Variants in ABHD2 observed in about 807,000 individuals in gnomAD.
ABHD2 encodes abhydrolase domain containing 2, acylglycerol lipase, also known as monoacylglycerol lipase ABHD2.
ABHD2 carries 20 observed loss-of-function variants against 48.1 expected under a neutral mutation model. That is an observed-to-expected ratio of 0.42 (90% confidence interval 0.29 to 0.60). The LOEUF is 0.60. Among genes scored for constraint, ABHD2 ranks in the 20% least tolerant of loss-of-function variants. The pLI is 0.24. For synonymous variants in ABHD2, 209 were observed against 214.2 expected (o/e 0.98, Z 0.21); for missense variants, 405 against 550.9 (o/e 0.74, Z 2.65).
At chr15:89,193,916 G>GAT (rs2051348475) in intron 10 of ABHD2, among the ~76,000 whole-genome samples, 1 of 86,074 alleles carries the variant, frequency 1.2e-5, no homozygotes, top group Non-Finnish European at 2.2e-5. Flanking sequence ...GTGAGACTCC[G>GAT]TCTCAAAAAA....
chr15:89,116,338 T>C lies in ABHD2; in HGVS notation c.11T>C (p.Met4Thr). The C allele has an allele frequency of 6.2e-7, 1 of 1,613,872 alleles. No homozygotes were observed. Among genetic ancestry groups the C allele is most frequent in the Non-Finnish European group, 8.5e-7 (1 of 1,179,812 alleles). ...GCTCCCCAGATCAAGATGAATGCCA[T>C]GCTGGAGACTCCCGAACTCCCAGCC... Reference protein sequence around the residue: MNAMLETPELPAVF... With the variant: MNATLETPELPAVF... Residue 4 changes from methionine to threonine, a missense_variant, in exon 3 of 11, where the codon ATG (methionine) becomes ACG (threonine). Met to Thr is a moderately conservative substitution (Grantham distance 81, BLOSUM62 -1). Transcript: ENST00000352732. This position sits in a 1 kb window ranked among gnomAD's most constrained non-coding sequence, Gnocchi z 4.6.
the ABHD2 span, among the ~76,000 whole-genome samples, chr15:89,058,582 G>A: frequency 6.6e-6 from 1 of 152,064 alleles, no homozygotes; most frequent in Non-Finnish European, 1.5e-5. Flanking sequence ...CTGGGCCCAG[G>A]GGATGGGGAC....
Position 89,166,984 on chromosome 15 carries a change from G to A in ABHD2, c.539-8828G>A, listed in dbSNP as rs1032625595. Among the ~76,000 whole-genome samples the A allele has an allele frequency of 2.6e-5, 4 of 152,112 alleles. No homozygotes were observed. Among genetic ancestry groups the A allele is most frequent in the Admixed American group, 6.5e-5 (1 of 15,294 alleles). On this transcript the variant is annotated intron_variant, in intron 5 of 10. Transcript: ENST00000352732. This position sits in a 1 kb window ranked among gnomAD's most constrained non-coding sequence, Gnocchi z 4.6. Reference sequence around the variant, plus strand: ...AGTAAAAAGGGACTTTATTAATAACGTTATAATAATTCATAACTTTATTAA... The same window carrying A: ...AGTAAAAAGGGACTTTATTAATAACATTATAATAATTCATAACTTTATTAA...
In ABHD2 at chr15:89,185,486, A is replaced by G. The variant is rs779994462; in HGVS notation, c.785A>G (p.Asp262Gly). The change falls in exon 7 of 11, where the codon GAC (aspartate) becomes GGC (glycine). Residue 262 changes from aspartate to glycine, a missense_variant. Transcript: ENST00000352732. The surrounding 1 kb of genome is among the most constrained non-coding windows in gnomAD (Gnocchi z 5.9). ...CGGTTCTACAACTTCCTCATGGCTGACAACATGAAGAAGATCATCCTCTCG... is the reference window on the plus strand; with the variant it reads ...CGGTTCTACAACTTCCTCATGGCTGGCAACATGAAGAAGATCATCCTCTCG... ...CRRFYNFLMADNMKKIILSHR... is the reference protein window; with the variant it reads ...CRRFYNFLMAGNMKKIILSHR... 6.2e-7 allele frequency: 1 copy of G among 1,614,100 alleles called. No homozygotes were observed. The highest frequency in any genetic ancestry group is 1.1e-5 in the South Asian group (1 of 91,072).
At chr15:89,071,572 C>T in the ABHD2 span, among the ~76,000 whole-genome samples, 2 of 152,182 alleles carry the variant, frequency 1.3e-5, no homozygotes, top group Non-Finnish European at 2.9e-5. Context: ...CCTTAACAAC[C>T]TTCACCTGGT....
At chr15:89,098,740 G>A (rs1388987940) in intron 1 of ABHD2, among the ~76,000 whole-genome samples, 1 of 152,124 alleles carries the variant, frequency 6.6e-6, no homozygotes, top group African/African-American at 2.4e-5. Flanking sequence ...AGAAAACATA[G>A]TTCCTTTCCC....
At chr15:89,161,178 C>T (rs1225554281) in intron 5 of ABHD2, among the ~76,000 whole-genome samples, 1 of 152,088 alleles carries the variant, frequency 6.6e-6, no homozygotes, top group Non-Finnish European at 1.5e-5. Flanking sequence ...TTCAGAGCCA[C>T]AGATACAGGT....
Position 89,202,131 on chromosome 15 carries a change from T to C in ABHD2, c.*6708T>C, listed in dbSNP as rs1190205404. On this transcript the variant is annotated 3_prime_UTR_variant, in exon 11 of 11. Coordinates refer to ENST00000352732, the MANE Select transcript of ABHD2 (RefSeq NM_152924.5). ...CAGGATCCTTCAGCACTGAGGTGTT[T>C]AAGATTTGCAACTAGCAATGCAATT... 1.1e-5 allele frequency: 2 copies of C among 182,000 alleles called. No individual in the cohort carries two copies. The highest frequency in any genetic ancestry group is 2.3e-5 in the Non-Finnish European group (2 of 87,798). The allele number at this position is 182,000 out of a possible 1,614,324, so 11.3% of individuals were successfully genotyped here. A position where few individuals can be genotyped will look rare whatever the true frequency, so the allele number is the denominator to read the frequency against.
At chr15:89,107,503 T>A (rs1050504886) in intron 1 of ABHD2, among the ~76,000 whole-genome samples, 1 of 152,058 alleles carries the variant, frequency 6.6e-6, no homozygotes, top group Non-Finnish European at 1.5e-5. Context: ...TGGAGGAAAG[T>A]TTAATAGTGG....
the ABHD2 span, among the ~76,000 whole-genome samples, chr15:89,075,063 G>A: frequency 9.0e-3 from 1,362 of 152,176 alleles, 22 homozygotes; most frequent in African/African-American, 0.03. This position sits in a 1 kb window ranked among gnomAD's most constrained non-coding sequence, Gnocchi z 4.1. Context: ...GCCTTTTCTC[G>A]GTAATTCTTC....
intron 3 of ABHD2, among the ~76,000 whole-genome samples, chr15:89,133,483 T>C (rs1035327026): frequency 6.6e-5 from 10 of 152,234 alleles, no homozygotes; most frequent in African/African-American, 2.4e-4. Context: ...ACACCAGCAC[T>C]GTGAGCACAT....
the ABHD2 span, among the ~76,000 whole-genome samples, chr15:89,048,906 T>TCTTTCTCCGTC: frequency 9.8e-6 from 1 of 101,690 alleles, no homozygotes; most frequent in African/African-American, 4.5e-5. Context: ...CTCGTCAAAG[T>TCTTTCTCCGTC]CATTTGTTCC....
chr15:89,183,937 C>G (rs2051163059), intron 6 of ABHD2, among the ~76,000 whole-genome samples: 1 of 152,106 alleles, frequency 6.6e-6, no homozygotes, highest in East Asian at 1.9e-4. Context: ...GATTGGGTGA[C>G]CCCCTTCCCT....
rs1346030744 is a variant in ABHD2 at position 89,168,262 on chromosome 15, G to T, written c.539-7550G>T. On this transcript the variant is annotated intron_variant, in intron 5 of 10. Coordinates refer to ENST00000352732, the MANE Select transcript of ABHD2 (RefSeq NM_152924.5). This position sits in a 1 kb window ranked among gnomAD's most constrained non-coding sequence, Gnocchi z 4.8. ...CAAAATGGCCGTGCAATACTCATCT[G>T]TCTAAGGCCCAGCTAGTGTTTCAGA... 6.6e-6 allele frequency among the ~76,000 whole-genome samples: 1 copy of T among 152,168 alleles called. No individual in the cohort carries two copies. The highest frequency in any genetic ancestry group is 2.4e-5 in the African/African-American group (1 of 41,438).
At chr15:89,042,773 A>G in the ABHD2 span, among the ~76,000 whole-genome samples, 2 of 151,588 alleles carry the variant, frequency 1.3e-5, no homozygotes, top group African/African-American at 4.8e-5. Context: ...CAGCCTCCCA[A>G]GTAGCTGGGA....
rs2049632706 is a variant in ABHD2, at chr15:89,097,579, C to A, written c.-107+9016C>A. Among the ~76,000 whole-genome samples, 1 of 151,638 alleles carries A rather than the reference C, an allele frequency of 6.6e-6. No homozygotes were observed. Among genetic ancestry groups the A allele is most frequent in the Non-Finnish European group, 1.5e-5 (1 of 67,910 alleles). ...CTTTTCTTTTCTTTTTTCTTCTTTT[C>A]CCTGTAATTTGTTGGAGAAACTGGG... is the stretch of plus-strand genomic sequence containing the variant. On this transcript the variant is annotated intron_variant, in intron 1 of 10. Coordinates refer to ENST00000352732, the MANE Select transcript of ABHD2 (RefSeq NM_152924.5). This position sits in a 1 kb window ranked among gnomAD's most constrained non-coding sequence, Gnocchi z 4.2.
chr15:89,162,690 C>T lies in ABHD2; in HGVS notation c.538+7156C>T, dbSNP rs141887824. Among the ~76,000 whole-genome samples, 472 of 152,270 alleles carry T rather than the reference C, an allele frequency of 3.1e-3. 2 individuals carry two copies. Among genetic ancestry groups the T allele is most frequent in the African/African-American group, 0.011 (447 of 41,550 alleles). ...CTTGACTCCTCTCCCTCATCTAAAG[C>T]TCCCCCCCAACCCCAGTCATTATCT... is the stretch of plus-strand genomic sequence containing the variant. On this transcript the variant is annotated intron_variant, in intron 5 of 10. Transcript: ENST00000352732.
chr15:89,099,755 T>A (rs1369360443), intron 1 of ABHD2, among the ~76,000 whole-genome samples: 2 of 151,680 alleles, frequency 1.3e-5, no homozygotes, highest in Non-Finnish European at 1.5e-5. Flanking sequence ...AATATAAAAC[T>A]AAGCTGGGCA....
chr15:89,133,688 G>A (rs1338472103), intron 3 of ABHD2, among the ~76,000 whole-genome samples: 57 of 152,192 alleles, frequency 3.7e-4, no homozygotes, highest in African/African-American at 1.3e-3. Flanking sequence ...CCATTTTTCT[G>A]ATGGTCATTG....
Sources: allele counts gnomAD v4.1 joint callset (sites outside exome capture counted in the v4.1 genomes callset), GRCh38; gene constraint gnomAD v4.1.1; non-coding constraint Gnocchi (gnomAD v3.1); transcripts MANE v1.5; gene names NCBI Gene and HGNC (gene_info 2026-07-23, HGNC 2026-07-21).